The following ZMYND8 variants were observed in gnomAD, a reference collection of about 807,000 sequenced individuals.
ZMYND8 encodes zinc finger MYND-type containing 8, also known as MYND-type zinc finger-containing chromatin reader ZMYND8.
Under a neutral mutation model 140.8 loss-of-function variants are expected in ZMYND8, and 37 were observed. The observed-to-expected ratio is 0.26, with a 90% CI of 0.20 to 0.35. The LOEUF (loss-of-function observed/expected upper bound fraction) is 0.35, where lower values mean the gene tolerates loss of function less well. Among genes scored for constraint, ZMYND8 ranks in the 10% least tolerant of loss-of-function variants. The pLI is 1.00. For synonymous variants in ZMYND8, 592 were observed against 597.1 expected (o/e 0.99, Z 0.12); for missense variants, 1,068 against 1,570.0 (o/e 0.68, Z 5.40).
chr20:47,348,309 G>A, intron 1 of ZMYND8: 1 of 261,576 alleles, frequency 3.8e-6, no homozygotes, highest in Non-Finnish European at 7.5e-6. Context: ...TGTTTTGCAG[G>A]GTATCCAGAA....
At chr20:47,230,001 A>G (rs986831695) in intron 16 of ZMYND8, among the ~76,000 whole-genome samples, 195 bp from the exon 17 acceptor site, 9 of 152,302 alleles carry the variant, frequency 5.9e-5, no homozygotes, top group Non-Finnish European at 1.0e-4. Flanking sequence ...TGGCATCTAG[A>G]GGGTCGAGGC....
chr20:47,247,708 T>G (rs902460431), intron 13 of ZMYND8, among the ~76,000 whole-genome samples: 1 of 152,180 alleles, frequency 6.6e-6, no homozygotes, highest in African/African-American at 2.4e-5. Context: ...GTCCGACTTG[T>G]ATACACCAAA....
intron 8 of ZMYND8, chr20:47,285,857 C>G: frequency 1.0e-6 from 1 of 980,614 alleles, no homozygotes. Flanking sequence ...ATAAAATAAA[C>G]TAAGTGAGAA....
In ZMYND8 at chr20:47,347,971, T is replaced by C. The variant is rs774489855; in HGVS notation, c.15-45A>G. 3.8e-6 allele frequency: 6 copies of C among 1,597,370 alleles called. No individual in the cohort carries two copies. In the South Asian group the frequency reaches 5.5e-5, roughly 15 times the overall value. ...GTTCATGTTTAGGAAGGCTGAGAAC[T>C]TGCCCCATGGGGGCAGCTATTTGGA... On this transcript the variant is annotated intron_variant, in intron 1 of 22. Transcript: ENST00000471951.
intron 2 of ZMYND8, among the ~76,000 whole-genome samples, chr20:47,316,645 A>G (rs1231055763): frequency 6.6e-6 from 1 of 151,582 alleles, no homozygotes; most frequent in Non-Finnish European, 1.5e-5. Context: ...ATACAAAAAA[A>G]TTAGCCAGGA....
chr20:47,224,704 G>A (rs977252501), intron 18 of ZMYND8, 148 bp from the exon 19 acceptor site: 19 of 1,395,470 alleles, frequency 1.4e-5, no homozygotes, highest in African/African-American at 1.3e-4. Flanking sequence ...AACCTAGCCC[G>A]AGTCTTCATC....
In ZMYND8 at chr20:47,298,596, G is replaced by A. The variant is rs1005532118; in HGVS notation, c.453+133C>T. ...GTGTTGGTCAAGAAGGGGGTGACCA[G>A]GATAGAACAGGTGGAAAGCAAGAAA... is the stretch of plus-strand genomic sequence containing the variant. On this transcript the variant is annotated intron_variant, in intron 4 of 22. Transcript: ENST00000471951. The surrounding 1 kb of genome is among the most constrained non-coding windows in gnomAD (Gnocchi z 5.0). 6.7e-7 allele frequency: 1 copy of A among 1,492,694 alleles called. No individual in the cohort carries two copies. The highest frequency in any genetic ancestry group is 8.9e-7 in the Non-Finnish European group (1 of 1,120,864). The allele number at this position is 1,492,694 out of a possible 1,614,324, so 92.5% of individuals were successfully genotyped here.
chr20:47,256,448 T>C (rs2074730615), intron 12 of ZMYND8, among the ~76,000 whole-genome samples: 1 of 150,972 alleles, frequency 6.6e-6, no homozygotes, highest in Non-Finnish European at 1.5e-5. Flanking sequence ...TGAAACCCTG[T>C]CTCTACTAAA....
intron 13 of ZMYND8, among the ~76,000 whole-genome samples, chr20:47,248,952 G>A (rs534899496): frequency 5.1e-4 from 72 of 141,150 alleles, no homozygotes; most frequent in Admixed American, 7.8e-4. Context: ...CTCACTACTC[G>A]TGTGGAGACA....
chr20:47,261,507 C>T (rs1210878672), intron 12 of ZMYND8, among the ~76,000 whole-genome samples: 1 of 152,018 alleles, frequency 6.6e-6, no homozygotes, highest in Non-Finnish European at 1.5e-5. Flanking sequence ...CACTGCACTC[C>T]AGCCTGGGTG....
chr20:47,333,248 T>C (rs1350163476), intron 2 of ZMYND8, among the ~76,000 whole-genome samples: 1 of 151,990 alleles, frequency 6.6e-6, no homozygotes, highest in Admixed American at 6.6e-5. Flanking sequence ...CCAGACATAG[T>C]GGTACACTCC....
intron 21 of ZMYND8, among the ~76,000 whole-genome samples, chr20:47,213,712 G>A (rs2035630979): frequency 1.3e-5 from 2 of 152,254 alleles, no homozygotes; most frequent in Admixed American, 1.3e-4. Context: ...AAGGAGGCAA[G>A]TGTTTCACTG....
At chr20:47,291,713 T>C in intron 6 of ZMYND8, 83 bp downstream of exon 6, 1 of 1,028,598 alleles carries the variant, frequency 9.7e-7, no homozygotes, top group Non-Finnish European at 1.4e-6. Flanking sequence ...GTCCAACTTG[T>C]GATAGAGCAT....
At chr20:47,339,951 GT>G (rs969262545) in intron 2 of ZMYND8, among the ~76,000 whole-genome samples, 6 of 147,102 alleles carry the variant, frequency 4.1e-5, no homozygotes, top group Non-Finnish European at 9.1e-5. Flanking sequence ...GGTGGTTTTT[GT>G]TTTTTTTTGA....
In ZMYND8 at chr20:47,337,918, C is replaced by T. The variant is rs373066739; in HGVS notation, c.85+9938G>A. On this transcript the variant is annotated intron_variant, in intron 2 of 22. Transcript: ENST00000471951. ...TGAGTATGTGTCAAGGGGAGAGGGG[C>T]GTAAAAATTGAAATTCAGTTAGAGA... Among the ~76,000 whole-genome samples, 5 of 151,762 alleles carry T rather than the reference C, an allele frequency of 3.3e-5. No individual in the cohort carries two copies. In the South Asian group the frequency reaches 6.2e-4, roughly 19 times the overall value.
At chr20:47,272,507 C>T (rs1374439111) in intron 11 of ZMYND8, among the ~76,000 whole-genome samples, 2 of 152,114 alleles carry the variant, frequency 1.3e-5, no homozygotes, top group African/African-American at 2.4e-5. Context: ...ATCGAGATCG[C>T]GCAAACAAAT....
intron 1 of ZMYND8, among the ~76,000 whole-genome samples, chr20:47,349,628 T>C (rs1249325549): frequency 6.6e-6 from 1 of 152,198 alleles, no homozygotes; most frequent in African/African-American, 2.4e-5. Flanking sequence ...AAAAGCCCCA[T>C]GCAGCCCTCG....
At chr20:47,320,191 G>A (rs1281663281) in intron 2 of ZMYND8, 4 of 152,170 alleles carry the variant, frequency 2.6e-5, no homozygotes, top group African/African-American at 9.7e-5. Flanking sequence ...AGAAGCAAAG[G>A]GAAATTAGCT....
Position 47,294,708 on chromosome 20 carries a change from G to A in ZMYND8, c.525C>T (p.Ser175=), listed in dbSNP as rs2077531489. 4 of 1,614,198 alleles carry A rather than the reference G, an allele frequency of 2.5e-6. No individual in the cohort carries two copies. In the East Asian group the frequency reaches 6.7e-5, roughly 27 times the overall value. Residue 175 remains serine (S), a synonymous_variant, in exon 5 of 23, where the codon TCC becomes TCT. Transcript: ENST00000471951. ...AMTMLTIEQL[S]YLLKFAIQKM... is the part of the protein sequence containing the mutation. The stretch of plus-strand genomic sequence containing the variant: ...TCTGAATGGCAAACTTGAGCAGGTA[G>A]GATAACTGTTCAATGGTGAGCATTG...
Sources: gnomAD v4.1 joint callset for allele counts (sites outside exome capture counted in the v4.1 genomes callset) on GRCh38, gnomAD v4.1.1 for gene constraint, Gnocchi (gnomAD v3.1) non-coding constraint, MANE v1.5 for transcripts, NCBI Gene and HGNC (gene_info 2026-07-23, HGNC 2026-07-21) for gene names.